ATP2C1: variants seen among roughly 807,000 people sequenced by gnomAD.
The protein encoded by ATP2C1 is calcium-transporting ATPase type 2C member 1.
In ATP2C1, 31 loss-of-function variants were observed where a neutral mutation model predicts 120.5. The observed-to-expected ratio is 0.26, with a 90% CI of 0.19 to 0.35. The LOEUF is 0.35. Among genes scored for constraint, ATP2C1 ranks in the 10% least tolerant of loss-of-function variants. The probability of loss-of-function intolerance (pLI) is 1.00; values close to 1 mark genes in which losing one functional copy is unlikely to be tolerated. For missense variants in ATP2C1, 731 were observed against 1,107.5 expected, an observed-to-expected ratio of 0.66 and a Z score of 4.83; for synonymous variants, 351 against 358.7, an observed-to-expected ratio of 0.98 and a Z score of 0.24.
intron 24 of ATP2C1, among the ~76,000 whole-genome samples, 158 bp from the exon 25 acceptor site, chr3:130,997,448 G>GT: frequency 6.6e-6 from 1 of 152,070 alleles, no homozygotes; most frequent in South Asian, 2.1e-4. Flanking sequence ...AAAATCAGTG[G>GT]TTATTTTTGC....
chr3:130,949,555 A>G (rs1367785674), intron 8 of ATP2C1, among the ~76,000 whole-genome samples: 2 of 152,192 alleles, frequency 1.3e-5, no homozygotes, highest in Non-Finnish European at 2.9e-5. Context: ...CAAGTTATTC[A>G]GAAGATGTAG....
intron 20 of ATP2C1, among the ~76,000 whole-genome samples, chr3:130,990,275 C>CA (rs999799381): frequency 1.4e-4 from 18 of 130,646 alleles, no homozygotes; most frequent in Non-Finnish European, 3.0e-4. Flanking sequence ...AAGAGCAACC[C>CA]CCCCCCCCAC....
At chr3:130,922,117 AT>A (rs2058997033) in intron 2 of ATP2C1, among the ~76,000 whole-genome samples, 1 of 151,966 alleles carries the variant, frequency 6.6e-6, no homozygotes, top group South Asian at 2.1e-4. Flanking sequence ...CAATTTTTTC[AT>A]TCCTGTTTCA....
chr3:131,011,402 C>A (rs1474447771), intron 26 of ATP2C1, among the ~76,000 whole-genome samples: 1 of 152,186 alleles, frequency 6.6e-6, no homozygotes, highest in Non-Finnish European at 1.5e-5. Flanking sequence ...CCTTTTGTTA[C>A]TTGAACTGCT....
Position 130,997,581 on chromosome 3 carries a change from A to T in ATP2C1, c.2244-25A>T, listed in dbSNP as rs1560032015. The T allele has an allele frequency of 1.9e-6, 3 of 1,609,746 alleles. No homozygotes were observed. In the Admixed American group the frequency reaches 5.0e-5, roughly 27 times the overall value. Reference sequence around the variant, plus strand: ...ATCCAGACCTTAAAACTTGAAAGTAATTTATTTTTCTGTTTGTTTTTAAGC... The same window carrying T: ...ATCCAGACCTTAAAACTTGAAAGTATTTTATTTTTCTGTTTGTTTTTAAGC... On this transcript the variant is annotated intron_variant, in intron 24 of 27. Coordinates refer to ENST00000510168, the MANE Select transcript of ATP2C1 (RefSeq NM_001378687.1).
At chr3:130,987,005 T>A (rs1007082809) in intron 20 of ATP2C1, among the ~76,000 whole-genome samples, 2 of 151,632 alleles carry the variant, frequency 1.3e-5, no homozygotes, top group African/African-American at 4.9e-5. Flanking sequence ...AGTGGCATGA[T>A]CATAGCTCAC....
intron 13 of ATP2C1, among the ~76,000 whole-genome samples, chr3:130,964,623 C>T (rs954504332): frequency 3.3e-5 from 5 of 151,836 alleles, no homozygotes; most frequent in South Asian, 4.1e-4. Context: ...AGAAATTATA[C>T]GGGTTTATAT....
chr3:131,015,040 C>T lies in ATP2C1; in HGVS notation c.2630-1112C>T. 7.7e-6 allele frequency: 4 copies of T among 516,334 alleles called. No homozygotes were observed. In the South Asian group the frequency reaches 9.7e-5, roughly 12 times the overall value. 32.0% of individuals were successfully genotyped at this position (516,334 alleles called of 1,614,324 possible). On this transcript the variant is annotated intron_variant, in intron 26 of 26. Transcript: ENST00000328560. Reference sequence around the variant, plus strand: ...GGATTTGTGGTAACTAAAGAGGATCCAGTCAAGAATGGCCTTAAATTATTA... The same window carrying T: ...GGATTTGTGGTAACTAAAGAGGATCTAGTCAAGAATGGCCTTAAATTATTA...
chr3:130,871,142 A>G (rs1405183940), intron 1 of ATP2C1, among the ~76,000 whole-genome samples: 1 of 152,250 alleles, frequency 6.6e-6, no homozygotes. Context: ...TTAATAGACT[A>G]CAATACAGTG....
chr3:130,975,683 T>C (rs961037563), intron 18 of ATP2C1, among the ~76,000 whole-genome samples, 195 bp downstream of exon 18: 4 of 152,214 alleles, frequency 2.6e-5, no homozygotes, highest in African/African-American at 9.6e-5. Context: ...TAGCAAAATA[T>C]GAATCACTGG....
chr3:130,974,919 G>A (rs914389644), intron 17 of ATP2C1, among the ~76,000 whole-genome samples: 3 of 152,096 alleles, frequency 2.0e-5, no homozygotes, highest in Admixed American at 6.6e-5. Flanking sequence ...GAAAAAGTGC[G>A]ATAATACCCA....
intron 1 of ATP2C1, among the ~76,000 whole-genome samples, chr3:130,859,032 G>T (rs1348526666): frequency 2.6e-5 from 4 of 152,318 alleles, no homozygotes; most frequent in Middle Eastern, 3.4e-3. Flanking sequence ...CTCCTTAGGG[G>T]ATGTTGTGGC....
At chr3:130,993,050 C>A in intron 21 of ATP2C1, 49 bp downstream of exon 21, 2 of 1,504,856 alleles carry the variant, frequency 1.3e-6, no homozygotes, top group Non-Finnish European at 1.8e-6. Context: ...CAAAATGCTG[C>A]TACTTTACTT....
chr3:131,007,267 A>C (rs1371861434), downstream of ATP2C1, among the ~76,000 whole-genome samples: 6 of 152,352 alleles, frequency 3.9e-5, no homozygotes, highest in South Asian at 6.2e-4. Context: ...CAGCTGCTCC[A>C]GGTAGATGGT....
intron 17 of ATP2C1, 71 bp downstream of exon 17, chr3:130,969,467 C>T: frequency 8.2e-7 from 1 of 1,216,894 alleles, no homozygotes; most frequent in Non-Finnish European, 1.2e-6. Context: ...TACTGTCCAC[C>T]TTTGGGTTTA....
At chr3:130,858,584 C>G (rs2067917514) in intron 1 of ATP2C1, among the ~76,000 whole-genome samples, 1 of 152,096 alleles carries the variant, frequency 6.6e-6, no homozygotes, top group Non-Finnish European at 1.5e-5. Context: ...TATTTGATTC[C>G]CGATGTATCC....
intron 18 of ATP2C1, among the ~76,000 whole-genome samples, chr3:130,975,746 A>G (rs1246153631): frequency 6.6e-6 from 1 of 152,222 alleles, no homozygotes; most frequent in Non-Finnish European, 1.5e-5. Context: ...TTTATTTTAA[A>G]CAAGTTTATC....
chr3:130,934,321 C>G (rs2059573890), intron 4 of ATP2C1, among the ~76,000 whole-genome samples: 1 of 152,148 alleles, frequency 6.6e-6, no homozygotes, highest in Non-Finnish European at 1.5e-5. Flanking sequence ...AAATTCAGAA[C>G]AGCTGTATTT....
At chr3:130,972,546 A>T (rs913721057) in intron 17 of ATP2C1, among the ~76,000 whole-genome samples, 1 of 150,574 alleles carries the variant, frequency 6.6e-6, no homozygotes, top group Admixed American at 6.6e-5. Context: ...ATATGTATAC[A>T]TGTGCCATGC....
Sources: allele counts gnomAD v4.1 joint callset (sites outside exome capture counted in the v4.1 genomes callset), GRCh38; gene constraint gnomAD v4.1.1; transcripts MANE v1.5; gene names NCBI Gene and HGNC (gene_info 2026-07-23, HGNC 2026-07-21).